The following EYA4 variants were observed in gnomAD, a reference collection of about 807,000 sequenced individuals.
EYA4 encodes EYA transcriptional coactivator and phosphatase 4.
Under a neutral mutation model 87.9 loss-of-function variants are expected in EYA4, and 31 were observed. That is an observed-to-expected ratio of 0.35 (90% CI 0.27 to 0.48). The LOEUF (loss-of-function observed/expected upper bound fraction) is 0.48, where lower values mean the gene tolerates loss of function less well. Among genes scored for constraint, EYA4 ranks in the 20% least tolerant of loss-of-function variants. The probability of loss-of-function intolerance (pLI) is 0.99; values close to 1 mark genes in which losing one functional copy is unlikely to be tolerated. For missense variants in EYA4, 678 were observed against 761.4 expected, an observed-to-expected ratio of 0.89 and a Z score of 1.29; for synonymous variants, 263 against 270.6, an observed-to-expected ratio of 0.97 and a Z score of 0.28.
chr6:133,324,354 A>T (rs1781328270), intron 2 of EYA4, among the ~76,000 whole-genome samples: 1 of 152,184 alleles, frequency 6.6e-6, no homozygotes. Context: ...CGGAAATGGA[A>T]GAAATTTAGA....
chr6:133,410,944 CCCT>C (rs1789170687), intron 3 of EYA4, among the ~76,000 whole-genome samples: 1 of 152,020 alleles, frequency 6.6e-6, no homozygotes, highest in African/African-American at 2.4e-5. Flanking sequence ...AGCCCTCAGC[CCCT>C]CTGCTGTTCC....
rs1453288262 is a variant in EYA4, at chr6:133,380,826, GCCTTATTCCTCTTCCTCCTCCT to G, written c.34-1561_34-1540del. On this transcript the variant is annotated intron_variant, in intron 2 of 19. Transcript: ENST00000355286. Reference sequence around the variant, plus strand: ...ACCCTTTCCCCTTTTCTCCTCCTACGCCTTATTCCTCTTCCTCCTCCTCCTTGTTCCTCTTCCTCCTCCTCCT... The same window carrying G: ...ACCCTTTCCCCTTTTCTCCTCCTACGCCTTGTTCCTCTTCCTCCTCCTCCT... 2.2e-4 allele frequency among the ~76,000 whole-genome samples: 33 copies of G among 148,154 alleles called. 2 individuals are homozygous for G. In the East Asian group the frequency reaches 6.4e-3, roughly 29 times the overall value.
intron 2 of EYA4, among the ~76,000 whole-genome samples, chr6:133,372,912 G>A (rs1393997846): frequency 6.6e-6 from 1 of 151,836 alleles, no homozygotes; most frequent in African/African-American, 2.4e-5. Flanking sequence ...CACATTAGGA[G>A]AGTTTTTATA....
rs1297417518 is a variant in EYA4 at position 133,273,100 on chromosome 6, T to TATATATATATATATATAA, written c.-65-1614_-65-1597dup. Among the ~76,000 whole-genome samples, 275 of 132,292 alleles carry TATATATATATATATATAA rather than the reference T, an allele frequency of 2.1e-3. 7 individuals are homozygous for TATATATATATATATATAA. Among genetic ancestry groups the TATATATATATATATATAA allele is most frequent in the African/African-American group, 9.1e-3 (250 of 27,500 alleles). 86.8% of individuals were successfully genotyped at this position (132,292 alleles called of 152,430 possible). A position where few individuals can be genotyped will look rare whatever the true frequency, so the allele number is the denominator to read the frequency against. ...AACTAATAGGAGATATATATATGTA[T>TATATATATATATATATAA]ATATATATATATATATAAAGGGAAG... On this transcript the variant is annotated intron_variant, in intron 1 of 19. Coordinates refer to ENST00000355286, the MANE Select transcript of EYA4 (RefSeq NM_004100.5).
intron 3 of EYA4, among the ~76,000 whole-genome samples, chr6:133,385,489 G>T (rs368451084): frequency 3.4e-5 from 5 of 149,236 alleles, no homozygotes; most frequent in African/African-American, 9.9e-5. Context: ...CCGGGGCTAG[G>T]TAGTTTTATT....
At chr6:133,422,398 A>G (rs1471183670) in intron 3 of EYA4, among the ~76,000 whole-genome samples, 1 of 152,230 alleles carries the variant, frequency 6.6e-6, no homozygotes, top group Non-Finnish European at 1.5e-5. Context: ...GTGACATTTA[A>G]AAATCTAAGA....
chr6:133,350,161 G>T (rs1783530881), intron 2 of EYA4, among the ~76,000 whole-genome samples: 1 of 151,904 alleles, frequency 6.6e-6, no homozygotes, highest in African/African-American at 2.4e-5. Flanking sequence ...CAGTCTAATT[G>T]AACCAAAAAA....
intron 2 of EYA4, among the ~76,000 whole-genome samples, chr6:133,296,069 T>C (rs1223588193): frequency 6.6e-6 from 1 of 152,030 alleles, no homozygotes; most frequent in African/African-American, 2.4e-5. Flanking sequence ...AAAACTGACA[T>C]TTGAGCACAG....
At position 133,391,232 on chromosome 6, in the gene EYA4, T is replaced by TGTTTTTGTTTTG. The variant is rs1562365407; in HGVS notation, c.83+8791_83+8792insGTTTTTGTTTTG. Among the ~76,000 whole-genome samples, 8 of 150,278 alleles carry TGTTTTTGTTTTG rather than the reference T, an allele frequency of 5.3e-5. No individual in the cohort carries two copies. In the East Asian group the frequency reaches 1.4e-3, roughly 26 times the overall value. On this transcript the variant is annotated intron_variant, in intron 3 of 19. Coordinates refer to ENST00000355286, the MANE Select transcript of EYA4 (RefSeq NM_004100.5). Reference sequence around the variant, plus strand: ...TTGGGTTTTGTTTTTGTTTTTTTTTTTTTTTTGAGATGGAGTTTCGCTCTT... The same window carrying TGTTTTTGTTTTG: ...TTGGGTTTTGTTTTTGTTTTTTTTTTGTTTTTGTTTTGTTTTTTGAGATGGAGTTTCGCTCTT...
intron 2 of EYA4, among the ~76,000 whole-genome samples, chr6:133,328,047 G>A (rs906042571): frequency 6.6e-6 from 1 of 152,164 alleles, no homozygotes; most frequent in African/African-American, 2.4e-5. Flanking sequence ...GAGTCTTTGG[G>A]AAAGCAATCT....
chr6:133,242,202 G>T (rs1159278837), intron 1 of EYA4, among the ~76,000 whole-genome samples: 2 of 152,206 alleles, frequency 1.3e-5, no homozygotes, highest in Non-Finnish European at 2.9e-5. Flanking sequence ...AGATGGTCCA[G>T]GCGCGAGGAT....
chr6:133,400,376 C>T (rs1257277649), intron 3 of EYA4, among the ~76,000 whole-genome samples: 2 of 151,846 alleles, frequency 1.3e-5, no homozygotes, highest in East Asian at 1.9e-4. Flanking sequence ...GGTGTGGTGG[C>T]GCACGCCTGT....
intron 1 of EYA4, among the ~76,000 whole-genome samples, chr6:133,271,087 G>A (rs184810226): frequency 0.012 from 1,765 of 152,284 alleles, 32 homozygotes; most frequent in Non-Finnish European, 0.016. Context: ...ATCACTAGGG[G>A]TGATGGTGAG....
intron 3 of EYA4, among the ~76,000 whole-genome samples, chr6:133,426,048 A>C (rs529372170): frequency 6.6e-6 from 1 of 151,080 alleles, no homozygotes; most frequent in Non-Finnish European, 1.5e-5. Flanking sequence ...ATGTTTCGCC[A>C]ACTTTGACCA....
intron 2 of EYA4, among the ~76,000 whole-genome samples, chr6:133,276,719 C>G (rs371677466): frequency 6.6e-6 from 1 of 152,114 alleles, no homozygotes; most frequent in African/African-American, 2.4e-5. Flanking sequence ...ATGTATTCAT[C>G]TCATAAATGT....
At chr6:133,488,676 A>G (rs1796884708) in intron 13 of EYA4, among the ~76,000 whole-genome samples, 1 of 152,238 alleles carries the variant, frequency 6.6e-6, no homozygotes, top group African/African-American at 2.4e-5. Context: ...AGTCTGCAAG[A>G]GCCACAGTAT....
chr6:133,306,084 G>GT (rs1295445995), intron 2 of EYA4, among the ~76,000 whole-genome samples: 3 of 152,234 alleles, frequency 2.0e-5, no homozygotes, highest in South Asian at 4.2e-4. Flanking sequence ...TTTTAATGGT[G>GT]TTGCAAGAGT....
chr6:133,334,040 A>C (rs971710562), intron 2 of EYA4, among the ~76,000 whole-genome samples: 1 of 152,140 alleles, frequency 6.6e-6, no homozygotes, highest in Admixed American at 6.6e-5. Context: ...TTGACCACTT[A>C]GTGTAATTAA....
At chr6:133,518,634 A>G (rs546592126) in intron 17 of EYA4, among the ~76,000 whole-genome samples, 2 of 152,298 alleles carry the variant, frequency 1.3e-5, no homozygotes, top group East Asian at 3.9e-4. Context: ...TTTTGGTAGC[A>G]TTACTTGTAA....
Sources: allele counts gnomAD v4.1 joint callset (sites outside exome capture counted in the v4.1 genomes callset), GRCh38; gene constraint gnomAD v4.1.1; transcripts MANE v1.5; gene names NCBI Gene and HGNC (gene_info 2026-07-23, HGNC 2026-07-21).